The following SPTSSA variants were observed in gnomAD, a reference collection of about 807,000 sequenced individuals.
SPTSSA encodes the protein small subunit of serine palmitoyltransferase A.
SPTSSA carries 8 observed loss-of-function variants against 9.1 expected under a neutral mutation model. That is an observed-to-expected ratio of 0.88 (90% CI 0.51 to 1.58). The LOEUF (loss-of-function observed/expected upper bound fraction) is 1.58. SPTSSA is among the 40% of genes most tolerant of loss of function. SPTSSA has a pLI of 0.00. For missense variants in SPTSSA, 100 were observed against 93.8 expected (o/e 1.07, Z -0.27); for synonymous variants, 42 against 37.7 (o/e 1.11, Z -0.41).
At position 34,437,958 on chromosome 14, in the gene SPTSSA, G is replaced by A. The variant is rs180878149; in HGVS notation, c.113-2654C>T. Among the ~76,000 whole-genome samples the A allele has an allele frequency of 1.1e-4, 17 of 151,946 alleles. No homozygotes were observed. The East Asian group carries it at 3.1e-3, about 28-fold the overall frequency. On this transcript the variant is annotated intron_variant, in intron 1 of 1. Coordinates refer to ENST00000298130, the MANE Select transcript of SPTSSA (RefSeq NM_138288.4). ...TGGGACAACAAACACGCACTACCAC[G>A]CCCAGCTGATTTCTTTATTATTTTT...
intron 1 of SPTSSA, among the ~76,000 whole-genome samples, chr14:34,454,986 C>A (rs923261224): frequency 2.0e-5 from 3 of 151,936 alleles, no homozygotes; most frequent in African/African-American, 7.3e-5. Context: ...ACTCGTGAGG[C>A]TGAGGCAGGA....
At chr14:34,442,542 C>T (rs2138820591) in intron 1 of SPTSSA, among the ~76,000 whole-genome samples, 1 of 152,340 alleles carries the variant, frequency 6.6e-6, no homozygotes, top group East Asian at 1.9e-4. Context: ...ATGCTCCTGG[C>T]AGAGGTTCTG....
intron 1 of SPTSSA, among the ~76,000 whole-genome samples, chr14:34,455,765 C>G (rs954942946): frequency 6.6e-6 from 1 of 151,602 alleles, no homozygotes; most frequent in Admixed American, 6.6e-5. Flanking sequence ...AACCCCGTCT[C>G]CACTAAAAAT....
chr14:34,461,011 C>T (rs981694135), intron 1 of SPTSSA, among the ~76,000 whole-genome samples: 1 of 152,104 alleles, frequency 6.6e-6, no homozygotes, highest in Non-Finnish European at 1.5e-5. Context: ...AACAAATAAA[C>T]ACACTTGATA....
intron 1 of SPTSSA, among the ~76,000 whole-genome samples, chr14:34,452,300 CTT>C (rs1475589084): frequency 1.3e-5 from 2 of 151,180 alleles, no homozygotes; most frequent in African/African-American, 4.9e-5. Context: ...TCAACTATCT[CTT>C]GATACTTTTC....
chr14:34,455,342 G>A (rs1002481855), intron 1 of SPTSSA, among the ~76,000 whole-genome samples: 5 of 151,622 alleles, frequency 3.3e-5, no homozygotes, highest in Non-Finnish European at 7.4e-5. Flanking sequence ...AGCCAAGTTC[G>A]CACCACTGCA....
chr14:34,443,104 C>T (rs1883348831), intron 1 of SPTSSA, among the ~76,000 whole-genome samples: 2 of 110,706 alleles, frequency 1.8e-5, no homozygotes, highest in South Asian at 6.2e-4. Flanking sequence ...CCTCTGCCTC[C>T]CAGGTTCAAG....
At chr14:34,449,903 C>G (rs1469954309) in intron 1 of SPTSSA, among the ~76,000 whole-genome samples, 2 of 152,202 alleles carry the variant, frequency 1.3e-5, no homozygotes, top group African/African-American at 4.8e-5. Context: ...GTATAGATTT[C>G]TCAATCCATC....
chr14:34,444,612 C>T (rs569094145), intron 1 of SPTSSA, among the ~76,000 whole-genome samples: 5 of 151,998 alleles, frequency 3.3e-5, no homozygotes, highest in South Asian at 2.1e-4. Flanking sequence ...ATTAGCTGGG[C>T]GTGGTGGCAG....
chr14:34,455,978 T>C (rs1219792002), intron 1 of SPTSSA, among the ~76,000 whole-genome samples: 1 of 150,782 alleles, frequency 6.6e-6, no homozygotes, highest in Non-Finnish European at 1.5e-5. Context: ...TATCTGAGGA[T>C]ACAGCAAAAA....
rs571574392 is a variant in SPTSSA at position 34,437,702 on chromosome 14, G to A, written c.113-2398C>T. 6.4e-4 allele frequency among the ~76,000 whole-genome samples: 98 copies of A among 152,210 alleles called. 1 individual carries two copies. The highest frequency in any genetic ancestry group is 5.5e-3 in the Admixed American group (84 of 15,276). On this transcript the variant is annotated intron_variant, in intron 1 of 1. Transcript: ENST00000298130. ...CAGAACAAAGCTGACTCAAGAAGGT[G>A]GCAGGACAAAAATAATCACAGAAAA...
At chr14:34,453,390 T>A (rs1437745232) in intron 1 of SPTSSA, among the ~76,000 whole-genome samples, 1 of 152,240 alleles carries the variant, frequency 6.6e-6, no homozygotes, top group Non-Finnish European at 1.5e-5. Flanking sequence ...ACCTCCAGGG[T>A]AGCACAGCTC....
chr14:34,442,646 T>C (rs956684906), intron 1 of SPTSSA, among the ~76,000 whole-genome samples: 21 of 152,184 alleles, frequency 1.4e-4, no homozygotes, highest in Non-Finnish European at 2.9e-4. Context: ...AGTTTACTGT[T>C]GAATGGGAAA....
intron 1 of SPTSSA, among the ~76,000 whole-genome samples, chr14:34,446,398 T>A (rs1357104016): frequency 2.6e-5 from 4 of 152,178 alleles, no homozygotes; most frequent in Non-Finnish European, 2.9e-5. Flanking sequence ...CTTGCCTACA[T>A]CTCTACAAAC....
chr14:34,458,016 T>C (rs1242232956), intron 1 of SPTSSA, among the ~76,000 whole-genome samples: 5 of 146,030 alleles, frequency 3.4e-5, no homozygotes, highest in African/African-American at 1.3e-4. Flanking sequence ...AAAAGACAGA[T>C]GGTATATAGG....
chr14:34,443,199 GTGTGTGTGTGT>G lies in SPTSSA; in HGVS notation c.113-7906_113-7896del, dbSNP rs1213772022. Among the ~76,000 whole-genome samples the G allele has an allele frequency of 6.0e-4, 7 of 11,680 alleles. 1 individual carries two copies. Among genetic ancestry groups the G allele is most frequent in the Admixed American group, 1.2e-3 (1 of 810 alleles). 7.7% of individuals were successfully genotyped at this position (11,680 alleles called of 152,430 possible). A position where few individuals can be genotyped will look rare whatever the true frequency, so the allele number is the denominator to read the frequency against. ...TTGAGATTGAGTTTTCCTCTAGGGG[GTGTGTGTGTGT>G]GTGTGTGTGTGTGTGTGTGTGTGTG... On this transcript the variant is annotated intron_variant, in intron 1 of 1. Transcript: ENST00000298130.
intron 1 of SPTSSA, among the ~76,000 whole-genome samples, chr14:34,446,247 C>A (rs1883420812): frequency 6.6e-6 from 1 of 152,238 alleles, no homozygotes; most frequent in Non-Finnish European, 1.5e-5. Flanking sequence ...ACTTCTGGAA[C>A]TGCATCCATT....
intron 1 of SPTSSA, among the ~76,000 whole-genome samples, chr14:34,455,135 C>A (rs1343267753): frequency 6.6e-6 from 1 of 151,728 alleles, no homozygotes; most frequent in African/African-American, 2.4e-5. Context: ...CACCTGTAAT[C>A]CCAGCATTTT....
Position 34,435,176 on chromosome 14 carries a change from A to G in SPTSSA, c.*25T>C. 6.3e-7 allele frequency: 1 copy of G among 1,590,428 alleles called. No individual in the cohort carries two copies. The highest frequency in any genetic ancestry group is 8.6e-7 in the Non-Finnish European group (1 of 1,160,888). On this transcript the variant is annotated 3_prime_UTR_variant, in exon 2 of 2. Transcript: ENST00000298130. ...TCGTAGGGTGGGTCTTCCCCAAGGA[A>G]CCTCTGATCCTGGTCGCATCTTGGT...
Sources: allele counts gnomAD v4.1 joint callset (sites outside exome capture counted in the v4.1 genomes callset), GRCh38; gene constraint gnomAD v4.1.1; transcripts MANE v1.5; gene names NCBI Gene and HGNC (gene_info 2026-07-23, HGNC 2026-07-21).